The following CRIM1 variants were observed in gnomAD, a reference collection of about 807,000 sequenced individuals.
CRIM1 encodes cysteine rich transmembrane BMP regulator 1.
In CRIM1, 32 loss-of-function variants were observed where a neutral mutation model predicts 116.4. The ratio of observed to expected loss-of-function variants is 0.27; its 90% CI spans 0.21 to 0.37. The LOEUF is 0.37. CRIM1 is among the 10% of genes least tolerant of loss of function. CRIM1 has a pLI of 1.00. For missense variants in CRIM1, 1,331 were observed against 1,354.8 expected (o/e 0.98, Z 0.28); for synonymous variants, 590 against 509.2 (o/e 1.16, Z -2.13).
At chr2:36,463,525 G>A (rs554826890) in intron 4 of CRIM1, among the ~76,000 whole-genome samples, 7 of 152,192 alleles carry the variant, frequency 4.6e-5, no homozygotes, top group Admixed American at 6.5e-5. Flanking sequence ...AACTCCCGCC[G>A]TCATCTTCTC....
intron 1 of CRIM1, among the ~76,000 whole-genome samples, chr2:36,376,679 A>C (rs1479490316): frequency 6.6e-6 from 1 of 152,158 alleles, no homozygotes; most frequent in East Asian, 1.9e-4. Context: ...GGTGCTTCCA[A>C]GGGGTGATGC....
chr2:36,416,449 A>G (rs1345852231), intron 2 of CRIM1, among the ~76,000 whole-genome samples: 1 of 152,192 alleles, frequency 6.6e-6, no homozygotes, highest in Non-Finnish European at 1.5e-5. Context: ...AACAATCAAT[A>G]AAGGTGCTGT....
chr2:36,405,413 G>A (rs1672709702), intron 2 of CRIM1, among the ~76,000 whole-genome samples: 1 of 152,184 alleles, frequency 6.6e-6, no homozygotes, highest in Admixed American at 6.5e-5. Context: ...CCTACCCGCT[G>A]TCCCATACGG....
chr2:36,376,866 C>A (rs1670358549), intron 1 of CRIM1, among the ~76,000 whole-genome samples: 1 of 152,198 alleles, frequency 6.6e-6, no homozygotes, highest in South Asian at 2.1e-4. Context: ...TATGTAAATA[C>A]TGCAAGCTTA....
chr2:36,475,697 A>T (rs1678919746), intron 5 of CRIM1, among the ~76,000 whole-genome samples: 1 of 152,222 alleles, frequency 6.6e-6, no homozygotes, highest in Admixed American at 6.5e-5. Context: ...GCCATTAAGT[A>T]TGAGGTTAGC....
intron 13 of CRIM1, among the ~76,000 whole-genome samples, chr2:36,532,970 G>A (rs993146388): frequency 6.6e-6 from 1 of 152,146 alleles, no homozygotes; most frequent in South Asian, 2.1e-4. Context: ...AATAATAAAC[G>A]TAGCCTTTAG....
chr2:36,406,032 T>A (rs1031362586), intron 2 of CRIM1, among the ~76,000 whole-genome samples: 1 of 152,242 alleles, frequency 6.6e-6, no homozygotes, highest in East Asian at 1.9e-4. Flanking sequence ...ATGGATTTTT[T>A]TTGGCAATTA....
At chr2:36,502,212 A>G (rs1007199312) in intron 8 of CRIM1, among the ~76,000 whole-genome samples, 7 of 152,150 alleles carry the variant, frequency 4.6e-5, no homozygotes, top group Non-Finnish European at 1.0e-4. Context: ...ATCTTTCATC[A>G]TTAAGTTCAA....
intron 7 of CRIM1, among the ~76,000 whole-genome samples, chr2:36,481,462 A>C (rs1558353212): frequency 6.6e-6 from 1 of 152,180 alleles, no homozygotes; most frequent in Non-Finnish European, 1.5e-5. Context: ...AATTTGAAAA[A>C]ATTAAGAACC....
rs754836788 is a variant in CRIM1, at chr2:36,551,051, T to G, written c.*2350T>G. 6.6e-6 allele frequency: 1 copy of G among 152,518 alleles called. No individual in the cohort carries two copies. The highest frequency in any genetic ancestry group is 1.5e-5 in the Non-Finnish European group (1 of 68,044). 9.4% of individuals were successfully genotyped at this position (152,518 alleles called of 1,614,324 possible). ...TGGAGTGCATCATAGTTCTACAGTT[T>G]GTTTTTGTTTTCTTCAAAAAAGCTG... On this transcript the variant is annotated 3_prime_UTR_variant, in exon 17 of 17. Coordinates refer to ENST00000280527, the MANE Select transcript of CRIM1 (RefSeq NM_016441.3).
intron 14 of CRIM1, among the ~76,000 whole-genome samples, chr2:36,543,250 C>G (rs1024700076): frequency 6.6e-5 from 10 of 152,092 alleles, no homozygotes; most frequent in African/African-American, 2.2e-4. Context: ...CTTTCCCTGG[C>G]TGGGTACCCA....
chr2:36,423,281 G>A (rs895720256), intron 2 of CRIM1, among the ~76,000 whole-genome samples: 11 of 152,176 alleles, frequency 7.2e-5, no homozygotes, highest in African/African-American at 2.7e-4. Flanking sequence ...GTTGAACCAC[G>A]TGACCACCCA....
intron 2 of CRIM1, among the ~76,000 whole-genome samples, chr2:36,403,068 A>T (rs1672536342): frequency 2.0e-5 from 3 of 152,206 alleles, no homozygotes; most frequent in Admixed American, 2.0e-4. Context: ...TTGTATAGAA[A>T]AATAAGAATA....
At chr2:36,532,089 A>G in intron 13 of CRIM1, 1 of 423,276 alleles carries the variant, frequency 2.4e-6, no homozygotes, top group South Asian at 1.8e-5. Context: ...GCTGAGAAAA[A>G]TAAGTAGCGA....
chr2:36,387,448 T>C (rs970857246), intron 1 of CRIM1, among the ~76,000 whole-genome samples: 12 of 152,232 alleles, frequency 7.9e-5, no homozygotes, highest in African/African-American at 2.9e-4. Context: ...ACAGCTGCGT[T>C]GCTTAATCAT....
At chr2:36,515,887 C>A (rs911894763) in intron 11 of CRIM1, among the ~76,000 whole-genome samples, 1 of 152,208 alleles carries the variant, frequency 6.6e-6, no homozygotes, top group African/African-American at 2.4e-5. Flanking sequence ...ATTCATTTAT[C>A]GATACTCTTT....
At chr2:36,386,021 A>G (rs1323546328) in intron 1 of CRIM1, among the ~76,000 whole-genome samples, 1 of 152,240 alleles carries the variant, frequency 6.6e-6, no homozygotes, top group Non-Finnish European at 1.5e-5. Context: ...CACCATGTGT[A>G]TTTAATTGTT....
At chr2:36,535,187 GGGT>G in intron 13 of CRIM1, among the ~76,000 whole-genome samples, 2 of 139,770 alleles carry the variant, frequency 1.4e-5, no homozygotes, top group Admixed American at 7.1e-5. Context: ...GAGGGAGGGA[GGGT>G]AAAAAGGAGG....
intron 11 of CRIM1, 108 bp downstream of exon 11, chr2:36,513,873 A>G: frequency 1.1e-6 from 1 of 940,690 alleles, no homozygotes; most frequent in Non-Finnish European, 1.6e-6. Context: ...AACCCCTGGA[A>G]CACTTTTCAG....
Sources: allele counts gnomAD v4.1 joint callset (sites outside exome capture counted in the v4.1 genomes callset), GRCh38; gene constraint gnomAD v4.1.1; transcripts MANE v1.5; gene names NCBI Gene and HGNC (gene_info 2026-07-23, HGNC 2026-07-21).